Variants in ATRX observed in about 807,000 individuals in gnomAD.
ATRX encodes the protein ATRX chromatin remodeler.
In ATRX, 12 loss-of-function variants were observed where a neutral mutation model predicts 172.6. That is an observed-to-expected ratio of 0.07 (90% CI 0.04 to 0.11). The LOEUF (loss-of-function observed/expected upper bound fraction) is 0.11. Ranked by LOEUF, ATRX falls within the 10% of genes least tolerant of loss-of-function variation. The probability of loss-of-function intolerance (pLI) is 1.00; values close to 1 mark genes in which losing one functional copy is unlikely to be tolerated. For synonymous variants in ATRX, 674 were observed against 594.7 expected (o/e 1.13, Z -1.94); for missense variants, 1,368 against 1,767.4 (o/e 0.77, Z 4.05).
chrX:77,521,802 A>G, intron 32 of ATRX: 1 of 228,253 alleles, frequency 4.4e-6, no homozygotes, highest in Non-Finnish European at 7.9e-6. Flanking sequence ...TATAATAAAA[A>G]CCCAGTCTTT....
At chrX:77,766,436 C>T (rs1401453643) in intron 1 of ATRX, among the ~76,000 whole-genome samples, 1 of 107,251 alleles carries the variant, frequency 9.3e-6, no homozygotes, top group East Asian at 3.0e-4. Context: ...GGGCGGCTGC[C>T]AGGCGGAGGG....
intron 19 of ATRX, among the ~76,000 whole-genome samples, chrX:77,630,331 G>A (rs895627068): frequency 2.2e-4 from 25 of 111,850 alleles, no homozygotes; most frequent in Admixed American, 2.0e-3. Flanking sequence ...TTAATCTACA[G>A]ATTCAATGCA....
chrX:77,649,327 T>C (rs781788776), intron 15 of ATRX, among the ~76,000 whole-genome samples: 1 of 111,329 alleles, frequency 9.0e-6, no homozygotes, highest in Non-Finnish European at 1.9e-5. Flanking sequence ...CTCCAACAGA[T>C]GCAATGAAAA....
rs1287938208 is a variant in ATRX at position 77,684,012 on chromosome X, G to T, written c.1244C>A (p.Ser415Tyr). 8.3e-7 allele frequency: 1 copy of T among 1,207,435 alleles called. No individual in the cohort carries two copies. The highest frequency in any genetic ancestry group is 2.2e-5 in the Admixed American group (1 of 46,004). The stretch of plus-strand genomic sequence containing the variant: ...TACAGCATCCATCGCTCGAAACTCG[G>T]AATTTAAGTCTTCTTCCAATGCAAG... ...AHLALEEDLN[S>Y]EFRAMDAVNK... The change falls in exon 9 of 35, where the codon TCC (serine) becomes TAC (tyrosine). Residue 415 changes from serine (S) to tyrosine (Y), a missense_variant. Ser to Tyr is a moderately radical substitution (Grantham distance 144, BLOSUM62 -2). Around this residue, in one of 17 missense-constraint regions of ATRX, gnomAD observed 843 missense variants for 643.1 expected, o/e 1.31. Coordinates refer to ENST00000373344, the MANE Select transcript of ATRX (RefSeq NM_000489.6).
At chrX:77,574,400 C>T (rs782448006) in intron 27 of ATRX, 42 bp from the exon 28 acceptor site, 9 of 964,209 alleles carry the variant, frequency 9.3e-6, no homozygotes, top group South Asian at 7.8e-5. Context: ...TTTGATATAT[C>T]GCTCTGCTTA....
chrX:77,684,118 T>C lies in ATRX; in HGVS notation c.1138A>G (p.Asn380Asp). 1 of 1,207,843 alleles carries C rather than the reference T, an allele frequency of 8.3e-7. No homozygotes were observed. Residue 380 changes from asparagine (N) to aspartate (D), a missense_variant, in exon 9 of 35, where the codon AAT becomes GAT. Physicochemically the swap from Asn to Asp is conservative, Grantham distance 23. Coordinates refer to ENST00000373344, the MANE Select transcript of ATRX (RefSeq NM_000489.6). ...YVKFLKQATD[N>D]SEISSATKLR... ...TTTGTAGCAGAACTGATTTCTGAAT[T>C]ATCTGTTGCCTGCTTTAAAAATTTA...
Position 77,696,566 on chromosome X carries a change from A to T in ATRX, c.370+11T>A, listed in dbSNP as rs781796972. 1.7e-6 allele frequency: 2 copies of T among 1,201,972 alleles called. No individual in the cohort carries two copies. Among genetic ancestry groups the T allele is most frequent in the Non-Finnish European group, 2.3e-6 (2 of 888,562 alleles). On this transcript the variant is annotated intron_variant, in intron 5 of 34. Coordinates refer to ENST00000373344, the MANE Select transcript of ATRX (RefSeq NM_000489.6). ...TCAACTTTAACTTCATGAAAAATTAACACACATTACCTTTTGGCAAGCTCT... is the reference window on the plus strand; with the variant it reads ...TCAACTTTAACTTCATGAAAAATTATCACACATTACCTTTTGGCAAGCTCT...
chrX:77,777,191 TAAAAAAAAAAAA>T (rs782165810), intron 1 of ATRX, among the ~76,000 whole-genome samples: 1,295 of 21,060 alleles, frequency 0.061, 33 homozygotes, highest in African/African-American at 0.18. Context: ...CTGTCTCTAC[TAAAAAAAAAAAA>T]AAAAAAAAAA....
At chrX:77,767,001 C>T (rs1417444705) in intron 1 of ATRX, among the ~76,000 whole-genome samples, 12 of 111,047 alleles carry the variant, frequency 1.1e-4, no homozygotes, top group African/African-American at 3.9e-4. Flanking sequence ...GCGGATCACT[C>T]GCGGTTAGGA....
At chrX:77,536,365 T>G (rs1557048359) in intron 30 of ATRX, among the ~76,000 whole-genome samples, 1 of 111,924 alleles carries the variant, frequency 8.9e-6, no homozygotes, top group Non-Finnish European at 1.9e-5. Context: ...ATAATAAATC[T>G]GATGTAAAAA....
intron 5 of ATRX, among the ~76,000 whole-genome samples, chrX:77,695,417 C>T (rs782152774): frequency 1.1e-3 from 122 of 111,274 alleles, no homozygotes; most frequent in Non-Finnish European, 1.9e-3. Context: ...AGGCATAGTT[C>T]AGGTTAGTAA....
At chrX:77,663,279 T>C in intron 12 of ATRX, 103 bp downstream of exon 12, 1 of 956,418 alleles carries the variant, frequency 1.0e-6, no homozygotes, top group Non-Finnish European at 1.5e-6. Flanking sequence ...ACTCCTGGGC[T>C]CAAGCAATCT....
chrX:77,754,499 G>A (rs1557189175), intron 1 of ATRX, among the ~76,000 whole-genome samples: 1 of 111,794 alleles, frequency 8.9e-6, no homozygotes, highest in African/African-American at 3.2e-5. Flanking sequence ...TCTGTATTTA[G>A]TGCTTCCTTC....
intron 1 of ATRX, among the ~76,000 whole-genome samples, chrX:77,762,164 C>T (rs1054184691): frequency 2.8e-5 from 3 of 109,081 alleles, no homozygotes; most frequent in Admixed American, 2.0e-4. Flanking sequence ...ATTAGCCAGG[C>T]GTGGTGGCAG....
intron 21 of ATRX, among the ~76,000 whole-genome samples, chrX:77,618,275 T>C (rs782581649): frequency 1.8e-5 from 2 of 111,934 alleles, no homozygotes; most frequent in Middle Eastern, 9.1e-3. Context: ...TAGACACTTA[T>C]CCATTCATTA....
intron 27 of ATRX, among the ~76,000 whole-genome samples, chrX:77,583,164 G>A (rs186077702): frequency 9.0e-6 from 1 of 111,591 alleles, no homozygotes; most frequent in Admixed American, 9.5e-5. Context: ...TATCTCCAGG[G>A]ATGCAAGAAT....
At chrX:77,757,324 A>T (rs1168130838) in intron 1 of ATRX, among the ~76,000 whole-genome samples, 4 of 111,542 alleles carry the variant, frequency 3.6e-5, no homozygotes, top group Non-Finnish European at 7.5e-5. Flanking sequence ...GTGAACCCAA[A>T]TCTGACACCA....
intron 15 of ATRX, among the ~76,000 whole-genome samples, chrX:77,641,836 T>A (rs1192783528): frequency 9.1e-6 from 1 of 110,435 alleles, no homozygotes; most frequent in Admixed American, 9.7e-5. Flanking sequence ...TTAAAGAGCA[T>A]AATATATAAG....
intron 15 of ATRX, among the ~76,000 whole-genome samples, chrX:77,638,108 C>A (rs2068483170): frequency 9.0e-6 from 1 of 111,178 alleles, no homozygotes; most frequent in African/African-American, 3.3e-5. Context: ...AATTTTCAAA[C>A]ATACACAAAA....
Sources: allele counts gnomAD v4.1 joint callset (sites outside exome capture counted in the v4.1 genomes callset), GRCh38; gene constraint gnomAD v4.1.1; regional missense constraint gnomAD v4.1.1; transcripts MANE v1.5; gene names NCBI Gene and HGNC (gene_info 2026-07-23, HGNC 2026-07-21).